PODXL2: variants seen among roughly 807,000 people sequenced by gnomAD.
The protein encoded by PODXL2 is podocalyxin like 2.
Under a neutral mutation model 53.4 loss-of-function variants are expected in PODXL2, and 17 were observed. That is an observed-to-expected ratio of 0.32 (90% CI 0.22 to 0.48). The LOEUF is 0.48. Among genes scored for constraint, PODXL2 ranks in the 20% least tolerant of loss-of-function variants. The probability of loss-of-function intolerance (pLI) is 0.99; values close to 1 mark genes in which losing one functional copy is unlikely to be tolerated. For missense variants in PODXL2, 673 were observed against 760.0 expected (o/e 0.89, Z 1.35); for synonymous variants, 311 against 306.7 (o/e 1.01, Z -0.15).
intron 4 of PODXL2, among the ~76,000 whole-genome samples, chr3:127,668,104 G>A (rs1284045933): frequency 6.4e-4 from 7 of 10,856 alleles, no homozygotes; most frequent in African/African-American, 2.2e-3. Context: ...ATGGCTGCGT[G>A]TGTGTGTGTG....
intron 2 of PODXL2, among the ~76,000 whole-genome samples, chr3:127,647,511 G>A (rs1044722304): frequency 6.6e-6 from 1 of 152,198 alleles, no homozygotes. Flanking sequence ...GCAAGTCCTA[G>A]ATACCCAACT....
intron 1 of PODXL2, among the ~76,000 whole-genome samples, chr3:127,636,797 C>A (rs1487329648): frequency 6.6e-6 from 1 of 152,166 alleles, no homozygotes; most frequent in African/African-American, 2.4e-5. Context: ...TGCCCAGGGT[C>A]ACAGCTTGCC....
At chr3:127,640,683 A>G (rs1410301403) in intron 2 of PODXL2, among the ~76,000 whole-genome samples, 3 of 149,526 alleles carry the variant, frequency 2.0e-5, no homozygotes, top group Non-Finnish European at 4.4e-5. Flanking sequence ...CCTGGGCGAC[A>G]AGAACAAAAC....
Position 127,641,792 on chromosome 3 carries a change from A to G in PODXL2, c.349+2269A>G, listed in dbSNP as rs536960971. On this transcript the variant is annotated intron_variant, in intron 2 of 7. Coordinates refer to ENST00000342480, the MANE Select transcript of PODXL2 (RefSeq NM_015720.4). ...CGGCCTCCCAAAGTGCTGGGATTAC[A>G]GGCATGAGCCACCGTGCCCAGCCCT... Among the ~76,000 whole-genome samples, 15 of 152,164 alleles carry G rather than the reference A, an allele frequency of 9.9e-5. No individual in the cohort carries two copies. In the East Asian group the frequency reaches 2.9e-3, roughly 30 times the overall value.
chr3:127,665,876 ATT>A (rs1372178663), intron 4 of PODXL2: 1 of 445,748 alleles, frequency 2.2e-6, no homozygotes, highest in African/African-American at 2.0e-5. Flanking sequence ...CCAGCCCCCA[ATT>A]TAGCCATTTC....
chr3:127,661,281 C>G (rs1217983622), intron 3 of PODXL2, 122 bp downstream of exon 3: 1 of 688,164 alleles, frequency 1.5e-6, no homozygotes, highest in East Asian at 2.7e-5. Context: ...CTTTCCACAG[C>G]ACGTAGAACC....
At chr3:127,636,772 C>T (rs2074580759) in intron 1 of PODXL2, among the ~76,000 whole-genome samples, 1 of 152,202 alleles carries the variant, frequency 6.6e-6, no homozygotes, top group Admixed American at 6.5e-5. Flanking sequence ...CACAGCAGTG[C>T]CATTGGCTCC....
chr3:127,635,785 A>G (rs970371943), intron 1 of PODXL2, among the ~76,000 whole-genome samples: 2 of 152,246 alleles, frequency 1.3e-5, no homozygotes, highest in Non-Finnish European at 1.5e-5. Flanking sequence ...TTAAAACGGT[A>G]GCCATTTATT....
Position 127,662,181 on chromosome 3 carries a change from C to T in PODXL2, c.1132-56C>T, listed in dbSNP as rs543462022. The T allele has an allele frequency of 2.6e-4, 383 of 1,494,648 alleles. 4 individuals carry two copies. The South Asian group carries it at 4.3e-3, about 17-fold the overall frequency. 92.6% of individuals were successfully genotyped at this position (1,494,648 alleles called of 1,614,324 possible). A position where few individuals can be genotyped will look rare whatever the true frequency, so the allele number is the denominator to read the frequency against. ...AGGCCTCCGACCGGGGCTCTCTCCC[C>T]TGTCCCTTTCCTATGCCTTCGTAAC... On this transcript the variant is annotated intron_variant, in intron 3 of 7. Transcript: ENST00000342480.
At chr3:127,645,535 A>C (rs2074647137) in intron 2 of PODXL2, among the ~76,000 whole-genome samples, 1 of 152,118 alleles carries the variant, frequency 6.6e-6, no homozygotes, top group Admixed American at 6.5e-5. Context: ...CGAGCATGGG[A>C]GTTGGAGCTG....
At position 127,648,513 on chromosome 3, in the gene PODXL2, A is replaced by G. The variant is rs115052555; in HGVS notation, c.349+8990A>G. Among the ~76,000 whole-genome samples, 243 of 152,362 alleles carry G rather than the reference A, an allele frequency of 1.6e-3. 1 individual carries two copies. Among genetic ancestry groups the G allele is most frequent in the African/African-American group, 5.5e-3 (229 of 41,584 alleles). ...TTCTTGTTCTGTGCTAGTAATAAAT[A>G]TCAACATATAAAAATTTAAAACAGC... On this transcript the variant is annotated intron_variant, in intron 2 of 7. Transcript: ENST00000342480.
At chr3:127,650,685 C>G (rs1319172018) in intron 2 of PODXL2, among the ~76,000 whole-genome samples, 1 of 152,056 alleles carries the variant, frequency 6.6e-6, no homozygotes, top group Non-Finnish European at 1.5e-5. Flanking sequence ...GTGACGGAGT[C>G]TTGCTCTGTC....
Position 127,629,264 on chromosome 3 carries a change from G to C in PODXL2, c.45G>C (p.Ser15=). 1.3e-5 allele frequency: 13 copies of C among 1,014,182 alleles called. No individual in the cohort carries two copies. Among genetic ancestry groups the C allele is most frequent in the Non-Finnish European group, 1.3e-5 (11 of 848,850 alleles). 62.8% of individuals were successfully genotyped at this position (1,014,182 alleles called of 1,614,324 possible). ...LRAARLPPLL[S]PLLLLLVGGA... is the part of the protein sequence containing the mutation. ...CCGCCCGGCTGCCGCCGCTGCTTTC[G>C]CCGCTGCTGCTTCTGCTGGTTGGGG... Residue 15 remains serine (S), a synonymous_variant, in exon 1 of 8, where the codon TCG becomes TCC. Coordinates refer to ENST00000342480, the MANE Select transcript of PODXL2 (RefSeq NM_015720.4). The surrounding 1 kb of genome is among the most constrained non-coding windows in gnomAD (Gnocchi z 6.4).
At chr3:127,642,702 G>A (rs1683660) in intron 2 of PODXL2, among the ~76,000 whole-genome samples, 122,684 of 152,148 alleles carry the variant, frequency 0.81, 50,121 homozygotes, top group African/African-American at 0.95. Flanking sequence ...CAAAACATAT[G>A]TGTACGTTCA....
intron 1 of PODXL2, among the ~76,000 whole-genome samples, chr3:127,636,172 G>A (rs1315670231): frequency 1.3e-5 from 2 of 152,226 alleles, no homozygotes; most frequent in African/African-American, 4.8e-5. Flanking sequence ...AAGTCTCATT[G>A]CAAAGATGTG....
chr3:127,639,901 A>G (rs1321004790), intron 2 of PODXL2, among the ~76,000 whole-genome samples: 1 of 152,228 alleles, frequency 6.6e-6, no homozygotes, highest in Non-Finnish European at 1.5e-5. Context: ...ATTCAGACCT[A>G]TGGCTTTCCA....
chr3:127,653,902 C>A (rs1479904464), intron 2 of PODXL2, among the ~76,000 whole-genome samples: 1 of 152,204 alleles, frequency 6.6e-6, no homozygotes, highest in East Asian at 1.9e-4. Context: ...CATGATGCTC[C>A]TTTGCTCCAA....
chr3:127,659,771 G>C (rs540010815), intron 2 of PODXL2, among the ~76,000 whole-genome samples: 1 of 152,344 alleles, frequency 6.6e-6, no homozygotes, highest in South Asian at 2.1e-4. Context: ...CATTCTGGGA[G>C]GCCCTGGAAA....
intron 2 of PODXL2, among the ~76,000 whole-genome samples, chr3:127,643,943 C>G (rs1470005695): frequency 1.3e-5 from 2 of 152,022 alleles, no homozygotes; most frequent in Non-Finnish European, 2.9e-5. Flanking sequence ...CTGGCCCCTT[C>G]TATTCTTTAG....
Sources: gnomAD v4.1 joint callset for allele counts (sites outside exome capture counted in the v4.1 genomes callset) on GRCh38, gnomAD v4.1.1 for gene constraint, Gnocchi (gnomAD v3.1) non-coding constraint, MANE v1.5 for transcripts, NCBI Gene and HGNC (gene_info 2026-07-23, HGNC 2026-07-21) for gene names.